Variants in GPS1 observed in about 807,000 individuals in gnomAD.
GPS1 encodes G protein pathway suppressor 1.
In GPS1, 11 loss-of-function variants were observed where a neutral mutation model predicts 60.0. That is an observed-to-expected ratio of 0.18 (90% CI 0.12 to 0.30). The LOEUF (loss-of-function observed/expected upper bound fraction) is 0.30. GPS1 is among the 10% of genes least tolerant of loss of function. GPS1 has a pLI of 1.00. For synonymous variants in GPS1, 343 were observed against 269.8 expected (o/e 1.27, Z -2.66); for missense variants, 543 against 669.2 (o/e 0.81, Z 2.08).
At chr17:82,051,447 G>A (rs2030563970), upstream of GPS1, 2 of 1,347,726 alleles carry the variant, frequency 1.5e-6, no homozygotes, top group South Asian at 3.9e-5. The surrounding 1 kb of genome is among the most constrained non-coding windows in gnomAD (Gnocchi z 4.1). Context: ...TAGACCCTGG[G>A]AGGCGGGGCG....
chr17:82,054,205 C>G, intron 3 of GPS1, 156 bp downstream of exon 3: 1 of 844,680 alleles, frequency 1.2e-6, no homozygotes, highest in Admixed American at 2.9e-5. Flanking sequence ...AGTGGAAGTG[C>G]CCTGTGTGTG....
Position 82,055,724 on chromosome 17 carries a change from CGG to C in GPS1, c.749-15_749-14del. On this transcript the variant is annotated splice_polypyrimidine_tract_variant and intron_variant, in intron 6 of 12. Transcript: ENST00000578552. ...ACCCCCTCTCCCCCCTCCCCGCCCC[CGG>C]CTCCTTCCACTAGGCTTGGCAGAGC... 2 of 1,539,426 alleles carry C rather than the reference CGG, an allele frequency of 1.3e-6. No individual in the cohort carries two copies. Among genetic ancestry groups the C allele is most frequent in the Non-Finnish European group, 1.8e-6 (2 of 1,138,078 alleles).
Position 82,052,433 on chromosome 17 carries a change from C to G in GPS1, c.33+469C>G, listed in dbSNP as rs373286823. 84 of 1,611,534 alleles carry G rather than the reference C, an allele frequency of 5.2e-5. No homozygotes were observed. Among genetic ancestry groups the G allele is most frequent in the Non-Finnish European group, 6.1e-5 (72 of 1,179,400 alleles). On this transcript the variant is annotated intron_variant, in intron 1 of 12. Transcript: ENST00000578552. ...CGGGGACTTCAGCCTGAGCGCCAGC[C>G]TGTCGGCCTGTACGCTGCTCTACGA...
chr17:82,056,435 C>T (rs1182273805), intron 9 of GPS1, 35 bp from the exon 10 acceptor site: 12 of 1,612,638 alleles, frequency 7.4e-6, no homozygotes, highest in African/African-American at 2.7e-5. Flanking sequence ...CCCTGCCTGG[C>T]CTCCTGTCCT....
Position 82,057,404 on chromosome 17 carries a change from C to G in GPS1, c.*277C>G, listed in dbSNP as rs990430814. On this transcript the variant is annotated 3_prime_UTR_variant, in exon 13 of 13. Transcript: ENST00000578552. ...CCCAGTGGCACCATTTCCCAGACCCCTCCTGTTCCCGCCTCAGTCAGGTGC... is the reference window on the plus strand; with the variant it reads ...CCCAGTGGCACCATTTCCCAGACCCGTCCTGTTCCCGCCTCAGTCAGGTGC... The G allele has an allele frequency of 3.1e-6, 2 of 645,866 alleles. No individual in the cohort carries two copies. The highest frequency in any genetic ancestry group is 3.0e-5 in the South Asian group (2 of 65,934). 40.0% of individuals were successfully genotyped at this position (645,866 alleles called of 1,614,324 possible). A position where few individuals can be genotyped will look rare whatever the true frequency, so the allele number is the denominator to read the frequency against.
At chr17:82,051,524 G>T, upstream of GPS1, 2 of 1,399,420 alleles carry the variant, frequency 1.4e-6, no homozygotes, top group African/African-American at 1.5e-5. The surrounding 1 kb of genome is among the most constrained non-coding windows in gnomAD (Gnocchi z 4.1). Context: ...GGGAGATCCA[G>T]GTGCGCAGCA....
At chr17:82,051,264 C>A, upstream of GPS1, 1 of 1,345,226 alleles carries the variant, frequency 7.4e-7, no homozygotes, top group Non-Finnish European at 9.6e-7. The surrounding 1 kb of genome is among the most constrained non-coding windows in gnomAD (Gnocchi z 4.1). Flanking sequence ...GGGCAGATCC[C>A]GCGGGCGCCG....
chr17:82,056,337 C>A lies in GPS1; in HGVS notation c.981C>A (p.Phe327Leu). Reference protein sequence around the residue: ...ELEPQVRDIIFKFYESKYASC... With the variant: ...ELEPQVRDIILKFYESKYASC... Reference sequence around the variant, plus strand: ...AGCCACAGGTCCGAGACATCATCTTCAAATTCTACGAGTCCAAGTACGCCT... The same window carrying A: ...AGCCACAGGTCCGAGACATCATCTTAAAATTCTACGAGTCCAAGTACGCCT... The change falls in exon 9 of 13, where the codon TTC becomes TTA. Residue 327 changes from phenylalanine to leucine, a missense_variant. By Grantham distance (22) the Phe-to-Leu change is conservative. This residue lies in a region of GPS1 where 291 missense variants were observed against 353.7 expected (regional missense o/e 0.82). Coordinates refer to ENST00000578552, the MANE Select transcript of GPS1 (RefSeq NM_001321092.3). 1 of 1,613,404 alleles carries A rather than the reference C, an allele frequency of 6.2e-7. No homozygotes were observed. The highest frequency in any genetic ancestry group is 8.5e-7 in the Non-Finnish European group (1 of 1,179,940).
chr17:82,057,147 A>G lies in GPS1; in HGVS notation c.*20A>G, dbSNP rs1430122459. ...ATGTGAGGGGTGAACCTTGGCCTCC[A>G]GGACATCTGCACCCCCTCCCCACCT... On this transcript the variant is annotated 3_prime_UTR_variant, in exon 13 of 13. Transcript: ENST00000578552. 1.3e-6 allele frequency: 2 copies of G among 1,567,328 alleles called. No individual in the cohort carries two copies. The highest frequency in any genetic ancestry group is 1.8e-5 in the Admixed American group (1 of 56,128).
chr17:82,053,323 A>G lies in GPS1; in HGVS notation c.83A>G (p.Gln28Arg). ...GACGTGGACCCCCAGGAAGACCCGC[A>G]GAATGCACCTGACGTCAACTACGTG... Reference protein sequence around the residue: ...QIDVDPQEDPQNAPDVNYVVE... With the variant: ...QIDVDPQEDPRNAPDVNYVVE... The change falls in exon 2 of 13, where the codon CAG becomes CGG. Residue 28 changes from glutamine (Q) to arginine (R), a missense_variant. Gln to Arg is a conservative substitution (Grantham distance 43). Coordinates refer to ENST00000578552, the MANE Select transcript of GPS1 (RefSeq NM_001321092.3). 6.5e-7 allele frequency: 1 copy of G among 1,545,984 alleles called. No homozygotes were observed. Among genetic ancestry groups the G allele is most frequent in the Non-Finnish European group, 8.7e-7 (1 of 1,154,584 alleles).
At chr17:82,051,036 G>A, upstream of GPS1, 2 of 1,391,742 alleles carry the variant, frequency 1.4e-6, no homozygotes, top group Non-Finnish European at 1.9e-6. The surrounding 1 kb of genome is among the most constrained non-coding windows in gnomAD (Gnocchi z 4.1). Context: ...CGGATTCCCT[G>A]CTGGCGCTTC....
intron 1 of GPS1, 99 bp from the exon 2 acceptor site, chr17:82,053,175 A>C: frequency 1.1e-6 from 1 of 940,726 alleles, no homozygotes. Context: ...CTGGCCTGGA[A>C]GATCTTGGGC....
At chr17:82,056,419 G>GT (rs1384957009) in intron 9 of GPS1, 28 bp downstream of exon 9, 1 of 1,612,616 alleles carries the variant, frequency 6.2e-7, no homozygotes, top group South Asian at 1.1e-5. Context: ...TAGGGGTGAG[G>GT]TGGGGCCCTG....
upstream of GPS1, chr17:82,051,857 C>CCCGCCCCGCG: frequency 8.7e-7 from 1 of 1,153,678 alleles, no homozygotes; most frequent in Non-Finnish European, 1.1e-6. The surrounding 1 kb of genome is among the most constrained non-coding windows in gnomAD (Gnocchi z 4.1). Context: ...GCGGCCCCGC[C>CCCGCCCCGCG]CCGCCCCGCG....
chr17:82,057,083 C>T lies in GPS1; in HGVS notation c.1420C>T (p.Leu474=). 6.3e-7 allele frequency: 1 copy of T among 1,581,198 alleles called. No individual in the cohort carries two copies. Among genetic ancestry groups the T allele is most frequent in the Non-Finnish European group, 8.6e-7 (1 of 1,161,468 alleles). Residue 474 remains leucine, a synonymous_variant, in exon 13 of 13, where the codon CTG becomes TTG. Transcript: ENST00000578552. The part of the protein sequence containing the change: ...SPPREGSQGE[L]TPANSQSRMS... Reference sequence around the variant, plus strand: ...GCCCAGAGAAGGGAGCCAGGGGGAGCTGACTCCAGCCAACAGCCAGTCCCG... The same window carrying T: ...GCCCAGAGAAGGGAGCCAGGGGGAGTTGACTCCAGCCAACAGCCAGTCCCG...
chr17:82,056,523 C>T lies in GPS1; in HGVS notation c.1089C>T (p.Thr363=), dbSNP rs937783989. The T allele has an allele frequency of 3.1e-6, 5 of 1,613,144 alleles. No individual in the cohort carries two copies. The highest frequency in any genetic ancestry group is 2.5e-6 in the Non-Finnish European group (3 of 1,180,014). The stretch of plus-strand genomic sequence containing the variant: ...CCCCCCATGTCAGGACCCTGTACAC[C>T]CAGATTCGCAACCGTGCCCTCATCC... ...YLAPHVRTLY[T]QIRNRALIQY... is the part of the protein sequence containing the mutation. The change falls in exon 10 of 13, where the codon ACC becomes ACT. Residue 363 remains threonine (T), a synonymous_variant. Transcript: ENST00000578552.
chr17:82,053,762 G>A, intron 2 of GPS1, 106 bp from the exon 3 acceptor site: 1 of 1,156,382 alleles, frequency 8.6e-7, no homozygotes, highest in Non-Finnish European at 1.2e-6. Flanking sequence ...TGGGCCCAGG[G>A]CGACATTCTG....
rs866563479 is a variant in GPS1, at chr17:82,054,129, C to T, written c.308+80C>T. 7 of 1,423,612 alleles carry T rather than the reference C, an allele frequency of 4.9e-6. No homozygotes were observed. The Middle Eastern group carries it at 6.4e-4, about 130-fold the overall frequency. The allele number at this position is 1,423,612 out of a possible 1,614,324, so 88.2% of individuals were successfully genotyped here. A position where few individuals can be genotyped will look rare whatever the true frequency, so the allele number is the denominator to read the frequency against. On this transcript the variant is annotated intron_variant, in intron 3 of 12. Transcript: ENST00000578552. ...TCTGGGACTGGGCCCCCTTCCTGTGCCCTGCATCTCCCACCCCTGTGCTGG... is the reference window on the plus strand; with the variant it reads ...TCTGGGACTGGGCCCCCTTCCTGTGTCCTGCATCTCCCACCCCTGTGCTGG...
In GPS1 at chr17:82,051,999, C is replaced by T. The variant is rs925015541; in HGVS notation, c.33+35C>T. 6.4e-4 allele frequency: 737 copies of T among 1,145,322 alleles called. No individual in the cohort carries two copies. Among genetic ancestry groups the T allele is most frequent in the Non-Finnish European group, 7.7e-4 (716 of 931,454 alleles). 70.9% of individuals were successfully genotyped at this position (1,145,322 alleles called of 1,614,324 possible). A position where few individuals can be genotyped will look rare whatever the true frequency, so the allele number is the denominator to read the frequency against. ...CGAGGCCGCCCCGGGCCTCCGCGCC[C>T]CCGCGCCCCCCGCCACTGGGGCCGG... On this transcript the variant is annotated intron_variant, in intron 1 of 12. Transcript: ENST00000578552. This position sits in a 1 kb window ranked among gnomAD's most constrained non-coding sequence, Gnocchi z 4.1.
Sources: allele counts gnomAD v4.1 joint callset, GRCh38; gene constraint gnomAD v4.1.1; regional missense constraint gnomAD v4.1.1; non-coding constraint Gnocchi (gnomAD v3.1); transcripts MANE v1.5; gene names NCBI Gene and HGNC (gene_info 2026-07-23, HGNC 2026-07-21).